The following HTR4 variants were observed in gnomAD, a reference collection of about 807,000 sequenced individuals.
The protein encoded by HTR4 is 5-hydroxytryptamine (serotonin) receptor 4, G protein-coupled.
A neutral mutation model predicts 36.8 loss-of-function variants in HTR4; 16 were observed. The observed-to-expected ratio is 0.43, with a 90% CI of 0.29 to 0.66. HTR4 has a LOEUF of 0.66. Among genes scored for constraint, HTR4 ranks in the 30% least tolerant of loss-of-function variants. The probability of loss-of-function intolerance (pLI) is 0.13; values close to 1 mark genes in which losing one functional copy is unlikely to be tolerated. For missense variants in HTR4, 438 were observed against 490.9 expected, an observed-to-expected ratio of 0.89 and a Z score of 1.02; for synonymous variants, 189 against 185.1, an observed-to-expected ratio of 1.02 and a Z score of -0.17.
intron 4 of HTR4, among the ~76,000 whole-genome samples, chr5:148,533,146 T>G (rs1368478818): frequency 6.6e-6 from 1 of 152,210 alleles, no homozygotes; most frequent in Non-Finnish European, 1.5e-5. Context: ...AATTGTCTCA[T>G]CTCAGGAATA....
intron 2 of HTR4, among the ~76,000 whole-genome samples, chr5:148,588,535 T>A (rs1761434931): frequency 9.4e-6 from 1 of 106,092 alleles, no homozygotes; most frequent in Non-Finnish European, 1.9e-5. Context: ...TTCTTTTTTT[T>A]TTTTTTTTTT....
At chr5:148,576,110 CAAAAA>C (rs781780161) in intron 2 of HTR4, among the ~76,000 whole-genome samples, 533 of 32,684 alleles carry the variant, frequency 0.016, 2 homozygotes, top group African/African-American at 0.067. Flanking sequence ...GACTCCGTCT[CAAAAA>C]AAAAAAAAAA....
intron 5 of HTR4, among the ~76,000 whole-genome samples, chr5:148,455,318 C>G (rs1755074405): frequency 6.6e-6 from 1 of 152,182 alleles, no homozygotes; most frequent in Non-Finnish European, 1.5e-5. Flanking sequence ...AGCAATGACA[C>G]CTTCTCCTAC....
rs1755919673 is a variant in HTR4, at chr5:148,482,196, G to T, written c.*1007C>A. ...GATCCTGCCCTCCTGCACCTTGGGGGAGCTGCAGGGGAAAATGAGTTTCCC... is the reference window on the plus strand; with the variant it reads ...GATCCTGCCCTCCTGCACCTTGGGGTAGCTGCAGGGGAAAATGAGTTTCCC... On this transcript the variant is annotated 3_prime_UTR_variant, in exon 7 of 7. Coordinates refer to ENST00000377888, the MANE Select transcript of HTR4 (RefSeq NM_000870.7). The T allele has an allele frequency of 1.0e-6, 1 of 985,548 alleles. No individual in the cohort carries two copies. The highest frequency in any genetic ancestry group is 1.2e-6 in the Non-Finnish European group (1 of 830,042). The allele number at this position is 985,548 out of a possible 1,614,324, so 61.1% of individuals were successfully genotyped here. A position where few individuals can be genotyped will look rare whatever the true frequency, so the allele number is the denominator to read the frequency against.
At chr5:148,635,420 A>G (rs1753498585) in intron 2 of HTR4, among the ~76,000 whole-genome samples, 1 of 152,118 alleles carries the variant, frequency 6.6e-6, no homozygotes, top group African/African-American at 2.4e-5. Flanking sequence ...TAGAAAACTG[A>G]CAGAGAAGAT....
chr5:148,526,571 A>C (rs1758286241), intron 4 of HTR4, among the ~76,000 whole-genome samples: 1 of 152,228 alleles, frequency 6.6e-6, no homozygotes, highest in South Asian at 2.1e-4. Flanking sequence ...ACAAGGCCAA[A>C]TTAAGTATCC....
intron 2 of HTR4, among the ~76,000 whole-genome samples, chr5:148,576,953 CA>C (rs1760947111): frequency 6.6e-6 from 1 of 152,002 alleles, no homozygotes; most frequent in Non-Finnish European, 1.5e-5. Flanking sequence ...ACAACAAAAG[CA>C]AAAATTGACA....
intron 4 of HTR4, among the ~76,000 whole-genome samples, chr5:148,532,044 C>A (rs1234808509): frequency 6.6e-6 from 1 of 152,052 alleles, no homozygotes; most frequent in Non-Finnish European, 1.5e-5. Flanking sequence ...GATTGAGGAC[C>A]CCTGGTTTAG....
intron 2 of HTR4, among the ~76,000 whole-genome samples, chr5:148,554,318 G>T (rs984146539): frequency 6.6e-6 from 1 of 151,978 alleles, no homozygotes; most frequent in Non-Finnish European, 1.5e-5. Context: ...CAGGTGATCC[G>T]CCCGCCTCGG....
At chr5:148,504,024 GATTCCCACACAATA>G (rs1224673084) in intron 6 of HTR4, among the ~76,000 whole-genome samples, 1 of 152,190 alleles carries the variant, frequency 6.6e-6, no homozygotes, top group Non-Finnish European at 1.5e-5. Flanking sequence ...AAGAGACTTA[GATTCCCACACAATA>G]ATAATGGGAG....
chr5:148,520,133 A>G (rs772460389), intron 5 of HTR4, among the ~76,000 whole-genome samples: 2 of 152,168 alleles, frequency 1.3e-5, no homozygotes, highest in African/African-American at 4.8e-5. Context: ...GTATTTACCA[A>G]TTCAGTGTTT....
At chr5:148,493,273 G>C (rs935622358) in intron 6 of HTR4, among the ~76,000 whole-genome samples, 2 of 152,136 alleles carry the variant, frequency 1.3e-5, no homozygotes, top group Admixed American at 1.3e-4. Context: ...TTAATGCTCT[G>C]CTGTTGCCAT....
At chr5:148,508,980 C>A (rs544625075) in intron 6 of HTR4, among the ~76,000 whole-genome samples, 64 of 151,652 alleles carry the variant, frequency 4.2e-4, no homozygotes, top group Non-Finnish European at 8.4e-4. Context: ...GTAGGAGCAC[C>A]GAGAATCAAG....
In HTR4 at chr5:148,516,664, C is replaced by T. The variant is rs117317919; in HGVS notation, c.507+6529G>A. Among the ~76,000 whole-genome samples the T allele has an allele frequency of 2.4e-3, 363 of 148,446 alleles. 13 individuals are homozygous for T. In the East Asian group the frequency reaches 0.041, roughly 17 times the overall value. ...GTAGATGCTCCTTATCTAATTACTC[C>T]ATTATCTAGATTGCCTATGAGACTG... On this transcript the variant is annotated intron_variant, in intron 5 of 6. Transcript: ENST00000377888.
intron 2 of HTR4, chr5:148,630,359 A>T (rs1414195644): frequency 6.6e-6 from 1 of 152,216 alleles, no homozygotes; most frequent in African/African-American, 2.4e-5. Flanking sequence ...ACAAGATCTT[A>T]ACCCAGATGC....
intron 2 of HTR4, among the ~76,000 whole-genome samples, chr5:148,591,964 G>T (rs1489841787): frequency 1.3e-5 from 2 of 152,186 alleles, no homozygotes; most frequent in East Asian, 3.9e-4. Context: ...ATTCACAATA[G>T]CAGAAGACAT....
intron 6 of HTR4, among the ~76,000 whole-genome samples, chr5:148,487,297 T>C (rs1278713729): frequency 6.6e-6 from 1 of 152,108 alleles, no homozygotes; most frequent in Non-Finnish European, 1.5e-5. Context: ...ATGGAAATCA[T>C]TTATGTGGTG....
chr5:148,465,894 G>A, intron 5 of HTR4: 2 of 1,613,582 alleles, frequency 1.2e-6, no homozygotes. Flanking sequence ...TTGCAGAAGA[G>A]CAGGAGGAAG....
chr5:148,461,016 G>A (rs781620362), intron 5 of HTR4, among the ~76,000 whole-genome samples: 6 of 151,932 alleles, frequency 3.9e-5, no homozygotes, highest in Non-Finnish European at 7.4e-5. Context: ...TAAGGTATTT[G>A]TACTACCAAA....
Sources: allele counts gnomAD v4.1 joint callset (sites outside exome capture counted in the v4.1 genomes callset), GRCh38; gene constraint gnomAD v4.1.1; transcripts MANE v1.5; gene names NCBI Gene and HGNC (gene_info 2026-07-23, HGNC 2026-07-21).